FRAS1: variants seen among roughly 807,000 people sequenced by gnomAD.
FRAS1 encodes Fraser extracellular matrix complex subunit 1.
Under a neutral mutation model 435.2 loss-of-function variants are expected in FRAS1, and 290 were observed. The observed-to-expected ratio is 0.67, with a 90% CI of 0.61 to 0.73. The LOEUF (loss-of-function observed/expected upper bound fraction) is 0.73. Among genes scored for constraint, FRAS1 ranks in the 30% least tolerant of loss-of-function variants. The pLI is 0.00. For missense variants in FRAS1, 4,860 were observed against 5,001.5 expected, an observed-to-expected ratio of 0.97 and a Z score of 0.85; for synonymous variants, 1,800 against 1,851.0, an observed-to-expected ratio of 0.97 and a Z score of 0.71.
chr4:78,535,934 A>G (rs796836488), intron 71 of FRAS1, among the ~76,000 whole-genome samples: 26 of 152,284 alleles, frequency 1.7e-4, no homozygotes, highest in African/African-American at 6.0e-4. Flanking sequence ...TTAGCACCAC[A>G]TAGTAAATGT....
chr4:78,473,771 G>C (rs1415710986), intron 53 of FRAS1, among the ~76,000 whole-genome samples, 174 bp downstream of exon 53: 1 of 147,560 alleles, frequency 6.8e-6, no homozygotes, highest in Non-Finnish European at 1.5e-5. Flanking sequence ...GTATGTATTA[G>C]GTGCTGCACT....
chr4:78,066,147 C>T, intron 2 of FRAS1, 131 bp downstream of exon 2: 1 of 706,376 alleles, frequency 1.4e-6, no homozygotes, highest in Non-Finnish European at 2.5e-6. Context: ...ACAATTAGCC[C>T]TCATTCGGGC....
chr4:78,248,997 T>C (rs111268904), intron 4 of FRAS1, among the ~76,000 whole-genome samples: 95 of 135,646 alleles, frequency 7.0e-4, no homozygotes, highest in African/African-American at 1.6e-3. Context: ...TCTTTGCTAC[T>C]ACAGTGTTTA....
chr4:78,440,556 G>A (rs550081069), intron 40 of FRAS1, among the ~76,000 whole-genome samples: 1 of 152,234 alleles, frequency 6.6e-6, no homozygotes, highest in South Asian at 2.1e-4. Flanking sequence ...TGTGGGGTTA[G>A]CATACAAAAT....
chr4:78,067,511 G>T (rs1740096812), intron 2 of FRAS1, among the ~76,000 whole-genome samples: 1 of 152,034 alleles, frequency 6.6e-6, no homozygotes, highest in Admixed American at 6.6e-5. Flanking sequence ...GGATGACCTT[G>T]CTTCCCTCTG....
intron 54 of FRAS1, 98 bp from the exon 55 acceptor site, chr4:78,477,717 C>G: frequency 6.9e-7 from 1 of 1,443,516 alleles, no homozygotes; most frequent in Non-Finnish European, 9.4e-7. Flanking sequence ...AGTGCTCTGC[C>G]CACTGGACTT....
At chr4:78,099,048 C>T (rs982862928) in intron 2 of FRAS1, among the ~76,000 whole-genome samples, 7 of 152,156 alleles carry the variant, frequency 4.6e-5, no homozygotes, top group Non-Finnish European at 8.8e-5. Context: ...TCTCTGTTTC[C>T]AATTCTGCAT....
chr4:78,219,446 C>CT (rs1723948830), intron 2 of FRAS1, among the ~76,000 whole-genome samples: 1 of 151,994 alleles, frequency 6.6e-6, no homozygotes, highest in African/African-American at 2.4e-5. Flanking sequence ...ATTGCTTTTT[C>CT]TTTTAGACAT....
In FRAS1 at chr4:78,477,859, C is replaced by A; in HGVS notation, c.7896C>A (p.Val2632=). ...AGGACACCAAGTCCTGCACCATTGT[C>A]ATCAACGATGATGACGTGTTTGAAA... ...EREDTKSCTI[V]INDDDVFENV... The change falls in exon 55 of 74, where the codon GTC becomes GTA. Residue 2632 remains valine, a synonymous_variant. Coordinates refer to ENST00000512123, the MANE Select transcript of FRAS1 (RefSeq NM_025074.7). 1 of 1,613,582 alleles carries A rather than the reference C, an allele frequency of 6.2e-7. No individual in the cohort carries two copies. The highest frequency in any genetic ancestry group is 1.1e-5 in the South Asian group (1 of 90,922).
intron 2 of FRAS1, among the ~76,000 whole-genome samples, chr4:78,117,235 C>G (rs953771696): frequency 4.9e-4 from 75 of 152,156 alleles, no homozygotes; most frequent in Non-Finnish European, 8.8e-4. Flanking sequence ...TTGTGGGTAA[C>G]CTGACCTTTC....
chr4:78,461,939 G>A (rs896135474), intron 47 of FRAS1, among the ~76,000 whole-genome samples: 5 of 150,990 alleles, frequency 3.3e-5, no homozygotes, highest in African/African-American at 9.7e-5. Flanking sequence ...TTCATTGGTC[G>A]CTTTGGGTTG....
intron 26 of FRAS1, among the ~76,000 whole-genome samples, chr4:78,377,956 A>G (rs1731845475): frequency 6.6e-6 from 1 of 152,126 alleles, no homozygotes; most frequent in Admixed American, 6.5e-5. Flanking sequence ...CATGCTTTAA[A>G]GTATACAATT....
At chr4:78,171,544 C>G (rs1370878613) in intron 2 of FRAS1, among the ~76,000 whole-genome samples, 2 of 152,178 alleles carry the variant, frequency 1.3e-5, no homozygotes, top group South Asian at 4.1e-4. Flanking sequence ...CCTCCACCCC[C>G]ACACCTACCA....
intron 43 of FRAS1, among the ~76,000 whole-genome samples, chr4:78,447,093 T>C (rs1446205854): frequency 6.6e-6 from 1 of 151,430 alleles, no homozygotes; most frequent in East Asian, 1.9e-4. Flanking sequence ...AATTGGTGTC[T>C]CTGAAGTTAA....
At chr4:78,492,478 A>C (rs1405150847) in intron 59 of FRAS1, among the ~76,000 whole-genome samples, 3 of 152,226 alleles carry the variant, frequency 2.0e-5, no homozygotes, top group African/African-American at 7.2e-5. Flanking sequence ...CAGAGGCCTC[A>C]GAAATAATGT....
intron 2 of FRAS1, among the ~76,000 whole-genome samples, chr4:78,193,290 C>G (rs1438327130): frequency 6.6e-6 from 1 of 152,146 alleles, no homozygotes; most frequent in Non-Finnish European, 1.5e-5. Context: ...ATTAGGTCTG[C>G]TTGGTGCAGA....
intron 2 of FRAS1, among the ~76,000 whole-genome samples, chr4:78,195,752 C>T (rs1722780835): frequency 6.6e-6 from 1 of 152,102 alleles, no homozygotes; most frequent in Non-Finnish European, 1.5e-5. Context: ...CCTGCTTCGG[C>T]TCACACTCAG....
chr4:78,490,838 T>G (rs1251352836), intron 59 of FRAS1, among the ~76,000 whole-genome samples: 1 of 146,842 alleles, frequency 6.8e-6, no homozygotes, highest in African/African-American at 2.5e-5. Context: ...ACAGGAAAAA[T>G]CCTTCAAAAA....
chr4:78,363,773 A>T lies in FRAS1; in HGVS notation c.2575+108A>T, dbSNP rs1320152151. On this transcript the variant is annotated intron_variant, in intron 21 of 73. Transcript: ENST00000512123. ...AAGAGAGAGTGGAGGCAGGAAGTGT[A>T]AACCACTTCCATGGGACTGTAAACC... 10 of 1,415,352 alleles carry T rather than the reference A, an allele frequency of 7.1e-6. No homozygotes were observed. The African/African-American group carries it at 1.4e-4, about 20-fold the overall frequency. The allele number at this position is 1,415,352 out of a possible 1,614,324, so 87.7% of individuals were successfully genotyped here.
Sources: gnomAD v4.1 joint callset for allele counts (sites outside exome capture counted in the v4.1 genomes callset) on GRCh38, gnomAD v4.1.1 for gene constraint, MANE v1.5 for transcripts, NCBI Gene and HGNC (gene_info 2026-07-23, HGNC 2026-07-21) for gene names.